ABLIM3: variants seen among roughly 807,000 people sequenced by gnomAD.
The protein encoded by ABLIM3 is actin binding LIM protein family member 3.
A neutral mutation model predicts 109.5 loss-of-function variants in ABLIM3; 61 were observed. That is an observed-to-expected ratio of 0.56 (90% CI 0.45 to 0.69). The LOEUF (loss-of-function observed/expected upper bound fraction) is 0.69, where lower values mean the gene tolerates loss of function less well. Ranked by LOEUF, ABLIM3 falls within the 30% of genes least tolerant of loss-of-function variation. The pLI is 0.00. For synonymous variants in ABLIM3, 300 were observed against 324.8 expected, an observed-to-expected ratio of 0.92 and a Z score of 0.82; for missense variants, 796 against 889.5, an observed-to-expected ratio of 0.89 and a Z score of 1.34.
rs1581230315 is a variant in ABLIM3, at chr5:149,244,943, A to G, written c.1414A>G (p.Ser472Gly). The stretch of plus-strand genomic sequence containing the variant: ...AGACATCAGCCAGACCTCCAAGTAC[A>G]GTCCCATCTACTCGCCAGACCCCTA... ...SEDISQTSKYSPIYSPDPYYA... is the reference protein window; with the variant it reads ...SEDISQTSKYGPIYSPDPYYA... The change falls in exon 16 of 24, where the codon AGT (serine) becomes GGT (glycine). Residue 472 changes from serine (S) to glycine (G), a missense_variant. Transcript: ENST00000309868. 1 of 1,614,184 alleles carries G rather than the reference A, an allele frequency of 6.2e-7. No individual in the cohort carries two copies. Among genetic ancestry groups the G allele is most frequent in the South Asian group, 1.1e-5 (1 of 91,078 alleles).
intron 7 of ABLIM3, 73 bp from the exon 8 acceptor site, chr5:149,216,886 A>T: frequency 7.3e-7 from 1 of 1,367,380 alleles, no homozygotes; most frequent in Non-Finnish European, 1.0e-6. Flanking sequence ...CCCAGGAAAG[A>T]TTCAAACCCA....
chr5:149,207,118 G>A lies in ABLIM3; in HGVS notation c.559G>A (p.Gly187Arg), dbSNP rs144591036. The A allele has an allele frequency of 1.9e-5, 31 of 1,613,584 alleles. No homozygotes were observed. The highest frequency in any genetic ancestry group is 1.7e-4 in the Middle Eastern group (1 of 6,058). Residue 187 changes from glycine to arginine, a missense_variant, in exon 6 of 24, where the codon GGG becomes AGG. Coordinates refer to ENST00000309868, the MANE Select transcript of ABLIM3 (RefSeq NM_014945.5). ...CCAGACCTGCAGCGTCATCCTCACC[G>A]GGGAGTATATCAGCAAGTGGGTCCC... Reference protein sequence around the residue: ...KCQTCSVILTGEYISKDGVPY... With the variant: ...KCQTCSVILTREYISKDGVPY...
intron 8 of ABLIM3, among the ~76,000 whole-genome samples, chr5:149,225,982 G>GTGTATATA (rs1272837276): frequency 2.9e-4 from 13 of 45,510 alleles, no homozygotes; most frequent in Non-Finnish European, 4.8e-4. Context: ...GTGTGTGTGT[G>GTGTATATA]TATATATATA....
intron 8 of ABLIM3, among the ~76,000 whole-genome samples, chr5:149,227,471 T>C (rs922611654): frequency 6.6e-5 from 10 of 152,248 alleles, no homozygotes; most frequent in African/African-American, 9.6e-5. Context: ...CTCTGCCTTA[T>C]AAAATTGGTT....
At chr5:149,246,818 T>C (rs1170521092) in intron 17 of ABLIM3, among the ~76,000 whole-genome samples, 2 of 152,250 alleles carry the variant, frequency 1.3e-5, no homozygotes, top group African/African-American at 4.8e-5. Context: ...TTTCACATAA[T>C]GGTAAGCAGG....
chr5:149,163,700 G>A (rs970988566), intron 2 of ABLIM3, among the ~76,000 whole-genome samples: 1 of 152,056 alleles, frequency 6.6e-6, no homozygotes, highest in Non-Finnish European at 1.5e-5. Flanking sequence ...AAACCCTATT[G>A]CCAAATAAAG....
intron 13 of ABLIM3, 104 bp downstream of exon 13, chr5:149,239,992 T>C: frequency 6.9e-7 from 1 of 1,442,354 alleles, no homozygotes; most frequent in Non-Finnish European, 9.1e-7. Flanking sequence ...ATGATCTCCA[T>C]CACAGTGTGG....
chr5:149,240,585 T>G (rs1752712812), intron 13 of ABLIM3, 91 bp from the exon 14 acceptor site: 1 of 1,017,188 alleles, frequency 9.8e-7, no homozygotes, highest in Non-Finnish European at 1.5e-6. Flanking sequence ...TCTGCTGTCA[T>G]CACCTCACCA....
chr5:149,149,264 T>G (rs1753208938), intron 2 of ABLIM3, among the ~76,000 whole-genome samples: 3 of 152,232 alleles, frequency 2.0e-5, no homozygotes, highest in Admixed American at 2.0e-4. Flanking sequence ...GTATAAAATA[T>G]GAGCAATAAA....
At chr5:149,183,129 A>G (rs1487596153) in intron 2 of ABLIM3, among the ~76,000 whole-genome samples, 1 of 152,214 alleles carries the variant, frequency 6.6e-6, no homozygotes, top group Non-Finnish European at 1.5e-5. Context: ...AGCTTACTCA[A>G]AAGATGGTAT....
chr5:149,242,779 C>G (rs995781454), intron 15 of ABLIM3, among the ~76,000 whole-genome samples: 4 of 152,204 alleles, frequency 2.6e-5, no homozygotes, highest in African/African-American at 4.8e-5. Flanking sequence ...TCCCCCTTAC[C>G]TGCTCTCTGT....
intron 2 of ABLIM3, among the ~76,000 whole-genome samples, chr5:149,147,113 ATGTGTGTGTG>A (rs35743789): frequency 2.2e-5 from 3 of 138,996 alleles, no homozygotes; most frequent in African/African-American, 8.0e-5. Context: ...CTCTCTGTGT[ATGTGTGTGTG>A]TGTGTGTGTG....
intron 5 of ABLIM3, 139 bp from the exon 6 acceptor site, chr5:149,206,869 C>T (rs1759028056): frequency 9.0e-7 from 1 of 1,115,846 alleles, no homozygotes; most frequent in Non-Finnish European, 1.2e-6. Flanking sequence ...GGGAGAGCCT[C>T]TGGGAAGCTT....
At chr5:149,153,224 C>T (rs1416667814) in intron 2 of ABLIM3, among the ~76,000 whole-genome samples, 1 of 152,190 alleles carries the variant, frequency 6.6e-6, no homozygotes, top group African/African-American at 2.4e-5. Context: ...TACCTTAGCT[C>T]TTACAGTCCT....
At chr5:149,234,710 C>G (rs1762178081) in intron 10 of ABLIM3, among the ~76,000 whole-genome samples, 1 of 152,208 alleles carries the variant, frequency 6.6e-6, no homozygotes, top group Non-Finnish European at 1.5e-5. Context: ...AGGTAATAGT[C>G]TCCCTGGCAC....
intron 19 of ABLIM3, 83 bp from the exon 20 acceptor site, chr5:149,250,364 T>TG (rs1317519607): frequency 7.1e-7 from 1 of 1,404,132 alleles, no homozygotes; most frequent in African/African-American, 1.4e-5. Context: ...GGAGCAGTGT[T>TG]GGCCATTGGT....
intron 8 of ABLIM3, among the ~76,000 whole-genome samples, chr5:149,224,846 A>G (rs1424493266): frequency 6.6e-6 from 1 of 152,234 alleles, no homozygotes; most frequent in Non-Finnish European, 1.5e-5. Context: ...TAGGGAAACC[A>G]AGGCACAGAG....
At chr5:149,253,044 T>C (rs1333274213) in intron 23 of ABLIM3, among the ~76,000 whole-genome samples, 6 of 151,608 alleles carry the variant, frequency 4.0e-5, no homozygotes, top group Admixed American at 3.9e-4. Flanking sequence ...CCCCCAAAAC[T>C]GCCCCATGCT....
At chr5:149,204,528 C>A (rs1208025534) in intron 5 of ABLIM3, among the ~76,000 whole-genome samples, 1 of 152,196 alleles carries the variant, frequency 6.6e-6, no homozygotes, top group East Asian at 1.9e-4. Flanking sequence ...AGAATTCTCA[C>A]GGGGAATCAG....
Sources: allele counts gnomAD v4.1 joint callset (sites outside exome capture counted in the v4.1 genomes callset), GRCh38; gene constraint gnomAD v4.1.1; transcripts MANE v1.5; gene names NCBI Gene and HGNC (gene_info 2026-07-23, HGNC 2026-07-21).